Variants in PKNOX2 observed in about 807,000 individuals in gnomAD.
PKNOX2 encodes the protein homeobox protein PKNOX2.
A neutral mutation model predicts 53.1 loss-of-function variants in PKNOX2; 14 were observed. The ratio of observed to expected loss-of-function variants is 0.26; its 90% CI spans 0.17 to 0.41. The LOEUF (loss-of-function observed/expected upper bound fraction) is 0.41, where lower values mean the gene tolerates loss of function less well. Among genes scored for constraint, PKNOX2 ranks in the 10% least tolerant of loss-of-function variants. The pLI, the probability that PKNOX2 is intolerant of heterozygous loss-of-function variation, is 1.00. For missense variants in PKNOX2, 496 were observed against 602.8 expected (o/e 0.82, Z 1.85); for synonymous variants, 257 against 242.8 (o/e 1.06, Z -0.54).
intron 2 of PKNOX2, among the ~76,000 whole-genome samples, chr11:125,260,267 C>T (rs893126250): frequency 6.6e-6 from 1 of 152,224 alleles, no homozygotes; most frequent in South Asian, 2.1e-4. Context: ...GGCATAATCT[C>T]AGCTCACTGC....
chr11:125,358,057 G>C (rs1204671353), intron 4 of PKNOX2, among the ~76,000 whole-genome samples: 1 of 152,104 alleles, frequency 6.6e-6, no homozygotes, highest in Non-Finnish European at 1.5e-5. Flanking sequence ...CCTGTCTCAC[G>C]AGGCTGTTGA....
intron 2 of PKNOX2, among the ~76,000 whole-genome samples, chr11:125,297,535 A>G (rs1381436354): frequency 5.9e-5 from 9 of 152,144 alleles, no homozygotes; most frequent in Admixed American, 5.9e-4. Flanking sequence ...GGCTTCCTGG[A>G]GGAGGTGACA....
rs1267638322 is a variant in PKNOX2, at chr11:125,432,711, C to G, written c.*1319C>G. The stretch of plus-strand genomic sequence containing the variant: ...CCTTCCAGACCCCCTTGGTTGGCAC[C>G]CTCTCCTCCGGTTCCCTCTCACCCC... On this transcript the variant is annotated 3_prime_UTR_variant, in exon 13 of 13. Transcript: ENST00000298282. 1 of 152,764 alleles carries G rather than the reference C, an allele frequency of 6.5e-6. No homozygotes were observed. The highest frequency in any genetic ancestry group is 6.5e-5 in the Admixed American group (1 of 15,282). 9.5% of individuals were successfully genotyped at this position (152,764 alleles called of 1,614,324 possible). A position where few individuals can be genotyped will look rare whatever the true frequency, so the allele number is the denominator to read the frequency against.
chr11:125,410,153 C>T (rs1156711537), intron 7 of PKNOX2, 43 bp from the exon 8 acceptor site: 1 of 1,609,400 alleles, frequency 6.2e-7, no homozygotes, highest in Non-Finnish European at 8.5e-7. Context: ...AGGGTCTAAG[C>T]TCTCAGTGTC....
At chr11:125,228,301 G>A (rs896096152) in intron 1 of PKNOX2, among the ~76,000 whole-genome samples, 9 of 152,246 alleles carry the variant, frequency 5.9e-5, no homozygotes, top group South Asian at 2.1e-4. Flanking sequence ...ATTAGAATTC[G>A]AATTTTAAAA....
intron 10 of PKNOX2, among the ~76,000 whole-genome samples, chr11:125,428,767 C>T: frequency 6.6e-6 from 1 of 152,180 alleles, no homozygotes; most frequent in Non-Finnish European, 1.5e-5. Flanking sequence ...CTCCCTGGCT[C>T]CCCATTGTGG....
Position 125,314,155 on chromosome 11 carries a change from G to A in PKNOX2, c.-129-17664G>A, listed in dbSNP as rs371568924. Among the ~76,000 whole-genome samples the A allele has an allele frequency of 9.2e-5, 14 of 152,340 alleles. 1 individual carries two copies. Among genetic ancestry groups the A allele is most frequent in the African/African-American group, 3.4e-4 (14 of 41,576 alleles). On this transcript the variant is annotated intron_variant, in intron 2 of 12. Transcript: ENST00000298282. ...GAGACCAGCCCTGACTCTGGGGACA[G>A]TTGATGAAGGGGCTTCACCTTCCAG... is the stretch of plus-strand genomic sequence containing the variant.
chr11:125,376,138 G>T (rs1952824090), intron 5 of PKNOX2, among the ~76,000 whole-genome samples: 1 of 152,172 alleles, frequency 6.6e-6, no homozygotes, highest in African/African-American at 2.4e-5. Flanking sequence ...TGAGTAGACT[G>T]CGACCTGCCC....
At chr11:125,389,196 A>AGAACAAACAAAC (rs144093832) in intron 6 of PKNOX2, among the ~76,000 whole-genome samples, 46 of 151,486 alleles carry the variant, frequency 3.0e-4, no homozygotes, top group African/African-American at 1.1e-3. Context: ...CTCCATTTCA[A>AGAACAAACAAAC]AAACAAACAA....
intron 6 of PKNOX2, among the ~76,000 whole-genome samples, chr11:125,389,559 A>G (rs761567165): frequency 1.9e-4 from 29 of 152,164 alleles, no homozygotes; most frequent in Non-Finnish European, 3.7e-4. Context: ...GGGGCTCACC[A>G]GGACGATTCC....
Position 125,333,891 on chromosome 11 carries a change from G to T in PKNOX2, c.-23+1966G>T, listed in dbSNP as rs749049518. 1.1e-3 allele frequency among the ~76,000 whole-genome samples: 165 copies of T among 152,122 alleles called. 2 individuals are homozygous for T. Among genetic ancestry groups the T allele is most frequent in the Admixed American group, 1.6e-3 (25 of 15,268 alleles). On this transcript the variant is annotated intron_variant, in intron 3 of 12. Coordinates refer to ENST00000298282, the MANE Select transcript of PKNOX2 (RefSeq NM_001382323.2). ...TAGCAATTACACATCGGTTTGGGGA[G>T]CATTTACATTTTGCAATTACAATTT...
rs1436171604 is a variant in PKNOX2, at chr11:125,285,101, T to C, written c.-129-46718T>C. ...GCCACTGGGCAGAAATGCTGTCCCATAGCATTGTGGCGCCTAAAGCAATCA... is the reference window on the plus strand; with the variant it reads ...GCCACTGGGCAGAAATGCTGTCCCACAGCATTGTGGCGCCTAAAGCAATCA... On this transcript the variant is annotated intron_variant, in intron 2 of 12. Coordinates refer to ENST00000298282, the MANE Select transcript of PKNOX2 (RefSeq NM_001382323.2). Among the ~76,000 whole-genome samples, 3 of 152,102 alleles carry C rather than the reference T, an allele frequency of 2.0e-5. No homozygotes were observed. The East Asian group carries it at 5.8e-4, about 29-fold the overall frequency.
At chr11:125,233,876 C>T (rs1942444692) in intron 1 of PKNOX2, among the ~76,000 whole-genome samples, 1 of 152,214 alleles carries the variant, frequency 6.6e-6, no homozygotes, top group East Asian at 1.9e-4. Context: ...CCTTGTTGAA[C>T]ATCCTTCAGT....
chr11:125,176,887 C>G (rs1273377260), intron 1 of PKNOX2, among the ~76,000 whole-genome samples: 3 of 152,236 alleles, frequency 2.0e-5, no homozygotes, highest in Non-Finnish European at 2.9e-5. Flanking sequence ...TGTCCCCCTC[C>G]TCTGCCATCC....
chr11:125,296,119 A>G (rs963150843), intron 2 of PKNOX2, among the ~76,000 whole-genome samples: 1 of 151,816 alleles, frequency 6.6e-6, no homozygotes, highest in African/African-American at 2.4e-5. Context: ...CCCCAGTCCC[A>G]CTGTCTCCTG....
chr11:125,224,259 C>A, intron 1 of PKNOX2, among the ~76,000 whole-genome samples: 1 of 152,264 alleles, frequency 6.6e-6, no homozygotes, highest in East Asian at 1.9e-4. Context: ...GTGCCACCCA[C>A]AAGCTCTGTG....
chr11:125,179,768 C>T (rs1591471057), intron 1 of PKNOX2, among the ~76,000 whole-genome samples: 2 of 152,276 alleles, frequency 1.3e-5, no homozygotes, highest in South Asian at 4.1e-4. Context: ...TTCTAAGCCT[C>T]AGTTTTTCTG....
At position 125,425,376 on chromosome 11, in the gene PKNOX2, CTCTTTT is replaced by C. The variant is rs142866568; in HGVS notation, c.937-3617_937-3612del. 5.7e-3 allele frequency among the ~76,000 whole-genome samples: 867 copies of C among 152,296 alleles called. 5 individuals carry two copies. Among genetic ancestry groups the C allele is most frequent in the African/African-American group, 0.02 (814 of 41,546 alleles). On this transcript the variant is annotated intron_variant, in intron 10 of 12. Transcript: ENST00000298282. ...TGTCATCTTCTAGTCTGTTCTGTAC[CTCTTTT>C]TCTTTTTCTTTTTCTTTTCCTTGCT...
At chr11:125,382,022 G>A (rs1953265302) in intron 5 of PKNOX2, among the ~76,000 whole-genome samples, 1 of 152,168 alleles carries the variant, frequency 6.6e-6, no homozygotes, top group Non-Finnish European at 1.5e-5. Flanking sequence ...TAGTAGCTGG[G>A]GGACACAGTC....
Sources: gnomAD v4.1 joint callset for allele counts (sites outside exome capture counted in the v4.1 genomes callset) on GRCh38, gnomAD v4.1.1 for gene constraint, MANE v1.5 for transcripts, NCBI Gene and HGNC (gene_info 2026-07-23, HGNC 2026-07-21) for gene names.